GLO1: variants seen among roughly 807,000 people sequenced by gnomAD.
GLO1 encodes lactoylglutathione lyase.
A neutral mutation model predicts 26.0 loss-of-function variants in GLO1; 28 were observed. That is an observed-to-expected ratio of 1.08 (90% confidence interval 0.80 to 1.48). GLO1 has a LOEUF of 1.48. Among genes scored for constraint, GLO1 ranks in the 40% most tolerant of loss-of-function variants. The pLI is 0.00. For missense variants in GLO1, 225 were observed against 224.8 expected (o/e 1.00, Z -0.01); for synonymous variants, 78 against 77.6 (o/e 1.00, Z -0.03).
chr6:38,689,182 A>G (rs1761498889), intron 1 of GLO1, among the ~76,000 whole-genome samples: 1 of 152,254 alleles, frequency 6.6e-6, no homozygotes, highest in South Asian at 2.1e-4. Flanking sequence ...AAATGGATTT[A>G]GATGCAGATT....
At position 38,677,397 on chromosome 6, in the gene GLO1, A is replaced by G. The variant is rs754312172; in HGVS notation, c.467-14T>C. On this transcript the variant is annotated splice_polypyrimidine_tract_variant and intron_variant, in intron 5 of 5. Coordinates refer to ENST00000373365, the MANE Select transcript of GLO1 (RefSeq NM_006708.3). ...CTTTCATTTTACCTGTAAAATGAAA[A>G]TTTTCATTATTGAAAAGACTAAAAA... is the stretch of plus-strand genomic sequence containing the variant. 1 of 1,118,940 alleles carries G rather than the reference A, an allele frequency of 8.9e-7. No individual in the cohort carries two copies. Among genetic ancestry groups the G allele is most frequent in the Non-Finnish European group, 1.4e-6 (1 of 733,274 alleles). The allele number at this position is 1,118,940 out of a possible 1,614,324, so 69.3% of individuals were successfully genotyped here.
intron 1 of GLO1, among the ~76,000 whole-genome samples, chr6:38,691,502 T>C (rs1199336611): frequency 6.6e-6 from 1 of 151,882 alleles, no homozygotes; most frequent in Non-Finnish European, 1.5e-5. Context: ...AGAGAAAGGG[T>C]TTCACCACAT....
intron 1 of GLO1, among the ~76,000 whole-genome samples, chr6:38,699,716 A>G (rs1253784472): frequency 6.6e-6 from 1 of 152,124 alleles, no homozygotes; most frequent in Non-Finnish European, 1.5e-5. Flanking sequence ...CAGTACCCTC[A>G]GGCTTACTAG....
At chr6:38,696,704 T>G (rs977292862) in intron 1 of GLO1, among the ~76,000 whole-genome samples, 3 of 152,104 alleles carry the variant, frequency 2.0e-5, no homozygotes, top group Admixed American at 6.5e-5. Flanking sequence ...ACACAAACAT[T>G]CAGACCATAG....
chr6:38,699,152 T>G (rs1396249214), intron 1 of GLO1, among the ~76,000 whole-genome samples: 4 of 152,120 alleles, frequency 2.6e-5, no homozygotes, highest in Non-Finnish European at 5.9e-5. Flanking sequence ...ATCCTAAAAC[T>G]GTTGTGGGAA....
At chr6:38,697,060 G>A (rs986149590) in intron 1 of GLO1, among the ~76,000 whole-genome samples, 19 of 151,872 alleles carry the variant, frequency 1.3e-4, no homozygotes, top group African/African-American at 2.9e-4. Flanking sequence ...TTACAGGCAC[G>A]CGCCACCATG....
At chr6:38,683,243 T>C in intron 3 of GLO1, 1 of 173,756 alleles carries the variant, frequency 5.8e-6, no homozygotes, top group Non-Finnish European at 1.2e-5. Flanking sequence ...CACAGACTCA[T>C]ATCTAAGCCT....
chr6:38,684,263 C>T, intron 3 of GLO1, 111 bp downstream of exon 3: 2 of 408,286 alleles, frequency 4.9e-6, no homozygotes, highest in Non-Finnish European at 8.2e-6. Flanking sequence ...AATGTGAAGT[C>T]ATAGGCAGAT....
chr6:38,698,633 C>T, intron 1 of GLO1, among the ~76,000 whole-genome samples: 1 of 146,156 alleles, frequency 6.8e-6, no homozygotes, highest in East Asian at 2.0e-4. Flanking sequence ...ATCTCCAGAT[C>T]ACTACTTGGA....
intron 5 of GLO1, among the ~76,000 whole-genome samples, chr6:38,678,410 G>A (rs376835698): frequency 2.1e-5 from 3 of 146,284 alleles, no homozygotes; most frequent in East Asian, 2.0e-4. Context: ...AAAAGAAAAG[G>A]AAAAGAAAAG....
intron 5 of GLO1, 60 bp downstream of exon 5, chr6:38,681,952 G>T: frequency 1.2e-6 from 1 of 852,130 alleles, no homozygotes; most frequent in Non-Finnish European, 2.1e-6. Flanking sequence ...AGTGGCCTCT[G>T]TAGGTGGTTA....
At chr6:38,686,093 C>T (rs796133921) in intron 2 of GLO1, among the ~76,000 whole-genome samples, 22 of 152,196 alleles carry the variant, frequency 1.4e-4, no homozygotes, top group African/African-American at 5.3e-4. Flanking sequence ...TTCATAATAC[C>T]TTTTTCTAGA....
At chr6:38,682,374 G>A (rs919730999) in intron 4 of GLO1, among the ~76,000 whole-genome samples, 3 of 151,824 alleles carry the variant, frequency 2.0e-5, no homozygotes, top group Admixed American at 1.3e-4. Context: ...AAGAATAATC[G>A]ACACCAAAAA....
chr6:38,682,818 A>G lies in GLO1; in HGVS notation c.366T>C (p.Pro122=). 6.3e-7 allele frequency: 1 copy of G among 1,590,640 alleles called. No homozygotes were observed. Among genetic ancestry groups the G allele is most frequent in the Non-Finnish European group, 8.6e-7 (1 of 1,158,596 alleles). ...TQSYHNGNSD[P]RGFGHIGIAV... is the part of the protein sequence containing the mutation. The stretch of plus-strand genomic sequence containing the variant: ...AACAGGCAAACTTACCGAATCCTCG[A>G]GGGTCTGAATTGCCATTGTGGTAAC... Residue 122 remains proline, a synonymous_variant, in exon 4 of 6, where the codon CCT becomes CCC. Transcript: ENST00000373365.
At chr6:38,695,819 G>T (rs1259518946) in intron 1 of GLO1, among the ~76,000 whole-genome samples, 1 of 152,202 alleles carries the variant, frequency 6.6e-6, no homozygotes, top group Non-Finnish European at 1.5e-5. Flanking sequence ...TCCAGGTCCT[G>T]TGGCTAGAGA....
At chr6:38,685,617 T>C (rs1420319373) in intron 2 of GLO1, among the ~76,000 whole-genome samples, 1 of 152,176 alleles carries the variant, frequency 6.6e-6, no homozygotes, top group African/African-American at 2.4e-5. Context: ...CATTGACTTA[T>C]CACAAATAAG....
At chr6:38,682,955 A>G in intron 3 of GLO1, 80 bp from the exon 4 acceptor site, 3 of 858,464 alleles carry the variant, frequency 3.5e-6, no homozygotes, top group Non-Finnish European at 2.0e-6. Context: ...TTGAAATCTT[A>G]CCACGTTTAT....
chr6:38,693,685 C>CTCTCTCTCTATATATA (rs869232489), intron 1 of GLO1, among the ~76,000 whole-genome samples: 126 of 86,404 alleles, frequency 1.5e-3, no homozygotes, highest in East Asian at 5.9e-3. Flanking sequence ...CTCTCTCTCT[C>CTCTCTCTCTATATATA]TATATATATA....
chr6:38,701,860 A>T (rs1157927983), intron 1 of GLO1, among the ~76,000 whole-genome samples: 1 of 152,176 alleles, frequency 6.6e-6, no homozygotes, highest in Non-Finnish European at 1.5e-5. Context: ...GTAGTCAAAT[A>T]AATAAATACA....
Sources: gnomAD v4.1 joint callset for allele counts (sites outside exome capture counted in the v4.1 genomes callset) on GRCh38, gnomAD v4.1.1 for gene constraint, MANE v1.5 for transcripts, NCBI Gene and HGNC (gene_info 2026-07-23, HGNC 2026-07-21) for gene names.